ADAM32: variants seen among roughly 807,000 people sequenced by gnomAD.
The protein encoded by ADAM32 is disintegrin and metalloproteinase domain-containing protein 32.
In ADAM32, 89 loss-of-function variants were observed where a neutral mutation model predicts 114.9. That is an observed-to-expected ratio of 0.77 (90% CI 0.65 to 0.92). The LOEUF is 0.92. Ranked by LOEUF, ADAM32 falls within the 40% of genes least tolerant of loss-of-function variation. The pLI is 0.00. For missense variants in ADAM32, 870 were observed against 932.8 expected (o/e 0.93, Z 0.88); for synonymous variants, 285 against 307.5 (o/e 0.93, Z 0.77).
intron 17 of ADAM32, among the ~76,000 whole-genome samples, chr8:39,247,407 T>C (rs766519779): frequency 2.0e-5 from 3 of 152,194 alleles, no homozygotes; most frequent in Non-Finnish European, 4.4e-5. Context: ...AATAGGTGTG[T>C]AGTGGTATTT....
At chr8:39,218,160 T>A (rs552187063) in intron 12 of ADAM32, among the ~76,000 whole-genome samples, 1 of 152,284 alleles carries the variant, frequency 6.6e-6, no homozygotes, top group Admixed American at 6.5e-5. Flanking sequence ...TCCAGAAGAA[T>A]TCTCTGGATT....
At chr8:39,254,655 G>A in intron 18 of ADAM32, 139 bp downstream of exon 18, 2 of 576,802 alleles carry the variant, frequency 3.5e-6, no homozygotes, top group Non-Finnish European at 5.7e-6. Context: ...CTCAAGGAAT[G>A]GAAACCAAAC....
At chr8:39,189,239 A>G (rs1022001290) in intron 11 of ADAM32, among the ~76,000 whole-genome samples, 3 of 152,172 alleles carry the variant, frequency 2.0e-5, no homozygotes, top group Non-Finnish European at 4.4e-5. Flanking sequence ...CTAAGGCCTC[A>G]TAAGTCATAG....
At chr8:39,186,256 C>T (rs1248668882) in intron 10 of ADAM32, among the ~76,000 whole-genome samples, 1 of 152,212 alleles carries the variant, frequency 6.6e-6, no homozygotes, top group Non-Finnish European at 1.5e-5. Flanking sequence ...CCTCCTCCTG[C>T]ATCATATCCT....
intron 11 of ADAM32, among the ~76,000 whole-genome samples, chr8:39,201,821 AGAGTTTTTAGCATGAAG>A (rs1161657967): frequency 6.6e-6 from 1 of 152,162 alleles, no homozygotes; most frequent in Non-Finnish European, 1.5e-5. Context: ...TAATTTATTG[AGAGTTTTTAGCATGAAG>A]GGCTGTTGAA....
intron 18 of ADAM32, among the ~76,000 whole-genome samples, chr8:39,256,956 C>T (rs1811683448): frequency 6.6e-6 from 1 of 151,934 alleles, no homozygotes; most frequent in Non-Finnish European, 1.5e-5. Flanking sequence ...GCTGTAGCTG[C>T]TGTGAGACTT....
chr8:39,239,473 A>G (rs1334372641), intron 16 of ADAM32, among the ~76,000 whole-genome samples: 1 of 152,228 alleles, frequency 6.6e-6, no homozygotes, highest in African/African-American at 2.4e-5. Context: ...ACCTCTTTAA[A>G]GCATAAATTT....
chr8:39,139,656 G>A (rs189667294), intron 3 of ADAM32, among the ~76,000 whole-genome samples: 211 of 152,168 alleles, frequency 1.4e-3, no homozygotes, highest in Admixed American at 2.4e-3. Context: ...TTGGCAATGC[G>A]GGCTCTTTTT....
chr8:39,234,652 T>A (rs1240893348), intron 16 of ADAM32, among the ~76,000 whole-genome samples: 1 of 152,226 alleles, frequency 6.6e-6, no homozygotes, highest in Non-Finnish European at 1.5e-5. Context: ...TAGTAATAAC[T>A]AAATACAGTT....
intron 24 of ADAM32, among the ~76,000 whole-genome samples, chr8:39,283,957 A>T (rs1813614120): frequency 2.6e-5 from 4 of 151,952 alleles, no homozygotes. Context: ...TATTTTTAGT[A>T]CAGACAGGAT....
chr8:39,236,719 C>T (rs994364221), intron 16 of ADAM32, among the ~76,000 whole-genome samples: 2 of 152,130 alleles, frequency 1.3e-5, no homozygotes, highest in East Asian at 1.9e-4. Context: ...AATCCCCATA[C>T]TCTTTGAGGC....
intron 17 of ADAM32, among the ~76,000 whole-genome samples, chr8:39,250,090 G>A (rs1811191338): frequency 6.6e-6 from 1 of 151,840 alleles, no homozygotes; most frequent in African/African-American, 2.4e-5. Context: ...TTTGTGGTAG[G>A]GGTTGCTTGA....
chr8:39,264,206 G>A (rs1387784222), intron 19 of ADAM32, among the ~76,000 whole-genome samples: 1 of 152,134 alleles, frequency 6.6e-6, no homozygotes, highest in African/African-American at 2.4e-5. Flanking sequence ...GTATATAAAT[G>A]ATTTCATCCC....
chr8:39,110,657 C>A (rs1444576990), intron 1 of ADAM32, among the ~76,000 whole-genome samples: 1 of 152,214 alleles, frequency 6.6e-6, no homozygotes, highest in Non-Finnish European at 1.5e-5. Context: ...GCATTCACCC[C>A]AGCAATGAAT....
At chr8:39,203,349 G>A (rs1350534838) in intron 11 of ADAM32, among the ~76,000 whole-genome samples, 3 of 152,132 alleles carry the variant, frequency 2.0e-5, no homozygotes, top group Non-Finnish European at 2.9e-5. Context: ...AGGATAGTTA[G>A]CTCTTCTTGT....
chr8:39,268,253 T>C (rs1387290130), intron 19 of ADAM32, among the ~76,000 whole-genome samples: 1 of 152,214 alleles, frequency 6.6e-6, no homozygotes, highest in Admixed American at 6.5e-5. Flanking sequence ...TTCTTGTCAA[T>C]ATGTGGTCTC....
chr8:39,256,689 G>A (rs1191678322), intron 18 of ADAM32, among the ~76,000 whole-genome samples: 1 of 151,970 alleles, frequency 6.6e-6, no homozygotes, highest in Non-Finnish European at 1.5e-5. Flanking sequence ...GACAGAATTA[G>A]GATTAGGAAT....
intron 11 of ADAM32, among the ~76,000 whole-genome samples, chr8:39,198,504 A>G (rs1328663636): frequency 6.6e-6 from 1 of 152,080 alleles, no homozygotes; most frequent in African/African-American, 2.4e-5. Flanking sequence ...CAGCCCCTCA[A>G]GTAGCTGGGA....
Position 39,282,988 on chromosome 8 carries a change from T to C in ADAM32, c.2319-598T>C, listed in dbSNP as rs1054533907. Reference sequence around the variant, plus strand: ...AATTGTGCATTATCACTGAATACTCTCACTTATATTGTATTATCTTCTCTG... The same window carrying C: ...AATTGTGCATTATCACTGAATACTCCCACTTATATTGTATTATCTTCTCTG... On this transcript the variant is annotated intron_variant, in intron 23 of 24. Transcript: ENST00000379907. Among the ~76,000 whole-genome samples the C allele has an allele frequency of 3.3e-5, 5 of 152,150 alleles. No individual in the cohort carries two copies. The East Asian group carries it at 9.7e-4, about 29-fold the overall frequency.
Sources: allele counts gnomAD v4.1 joint callset (sites outside exome capture counted in the v4.1 genomes callset), GRCh38; gene constraint gnomAD v4.1.1; transcripts MANE v1.5; gene names NCBI Gene and HGNC (gene_info 2026-07-23, HGNC 2026-07-21).